FOXP2: variants seen among roughly 807,000 people sequenced by gnomAD.
FOXP2 encodes forkhead box P2.
A neutral mutation model predicts 115.8 loss-of-function variants in FOXP2; 12 were observed. The observed-to-expected ratio is 0.10, with a 90% CI of 0.07 to 0.17. The LOEUF is 0.17. Among genes scored for constraint, FOXP2 ranks in the 10% least tolerant of loss-of-function variants. The probability of loss-of-function intolerance (pLI) is 1.00; values close to 1 mark genes in which losing one functional copy is unlikely to be tolerated. For missense variants in FOXP2, 629 were observed against 843.5 expected, an observed-to-expected ratio of 0.75 and a Z score of 3.15; for synonymous variants, 328 against 297.7, an observed-to-expected ratio of 1.10 and a Z score of -1.05.
intron 2 of FOXP2, among the ~76,000 whole-genome samples, chr7:114,485,806 G>T (rs946526172): frequency 5.9e-5 from 9 of 152,132 alleles, no homozygotes; most frequent in Non-Finnish European, 2.9e-5. Context: ...AATGAACTAT[G>T]AAGATGGAAA....
At chr7:114,212,717 CA>C (rs2129162080) in intron 1 of FOXP2, among the ~76,000 whole-genome samples, 1 of 152,224 alleles carries the variant, frequency 6.6e-6, no homozygotes, top group South Asian at 2.1e-4. Flanking sequence ...ATACATAAAA[CA>C]CAAGATGGCA....
intron 2 of FOXP2, among the ~76,000 whole-genome samples, chr7:114,344,511 G>A (rs77827060): frequency 2.6e-5 from 4 of 151,692 alleles, no homozygotes; most frequent in South Asian, 2.1e-4. Context: ...GGACTATTTC[G>A]GTTAATCAGT....
At chr7:114,092,535 A>C (rs191582265) in intron 1 of FOXP2, among the ~76,000 whole-genome samples, 1 of 152,232 alleles carries the variant, frequency 6.6e-6, no homozygotes, top group Admixed American at 6.5e-5. Context: ...TTAAAAAAAA[A>C]AACTTTCTTA....
chr7:114,516,123 C>A (rs1798330847), intron 2 of FOXP2, among the ~76,000 whole-genome samples: 1 of 152,242 alleles, frequency 6.6e-6, no homozygotes, highest in Non-Finnish European at 1.5e-5. Flanking sequence ...GCCAAAAGAA[C>A]AAAGCTGAAG....
intron 1 of FOXP2, among the ~76,000 whole-genome samples, chr7:114,146,256 G>A (rs577222919): frequency 1.4e-4 from 21 of 152,312 alleles, no homozygotes; most frequent in East Asian, 1.9e-4. Context: ...GAGCAGTAGC[G>A]TATAAATAAC....
intron 1 of FOXP2, among the ~76,000 whole-genome samples, chr7:114,120,096 A>AGGATGAGATAAGTAGGT (rs1432302850): frequency 6.6e-6 from 1 of 152,196 alleles, no homozygotes; most frequent in Admixed American, 6.6e-5. Flanking sequence ...AGTAATAGAT[A>AGGATGAGATAAGTAGGT]GGATGAGATA....
rs1013005161 is a variant in FOXP2, at chr7:114,210,662, G to A, written c.-102+47574G>A. On this transcript the variant is annotated intron_variant, in intron 1 of 17. Coordinates refer to the FOXP2 transcript ENST00000634411. ...ACCTGTTTAAAGAAGCAGTCTGGCT[G>A]CTTTTTGGTAGAGGAGGTGTGCTGC... Among the ~76,000 whole-genome samples the A allele has an allele frequency of 9.2e-5, 14 of 152,250 alleles. No homozygotes were observed. In the East Asian group the frequency reaches 2.7e-3, roughly 29 times the overall value.
chr7:114,350,861 C>A lies in FOXP2; in HGVS notation c.-11+62752C>A, dbSNP rs377426669. 6.6e-5 allele frequency among the ~76,000 whole-genome samples: 10 copies of A among 152,240 alleles called. No individual in the cohort carries two copies. The East Asian group carries it at 1.4e-3, about 21-fold the overall frequency. On this transcript the variant is annotated intron_variant, in intron 2 of 17. Transcript: ENST00000634411. ...GTTCAAAGACTCCCTCACATCCCTG[C>A]AAATACCAAAATCCAGGGATGCTTA...
intron 2 of FOXP2, among the ~76,000 whole-genome samples, chr7:114,518,634 C>T (rs967817535): frequency 3.3e-5 from 5 of 152,048 alleles, no homozygotes; most frequent in African/African-American, 4.8e-5. Flanking sequence ...TCCTGAGTAG[C>T]TGGGACTACA....
intron 1 of FOXP2, among the ~76,000 whole-genome samples, chr7:114,200,396 A>G (rs1794029369): frequency 6.6e-6 from 1 of 152,218 alleles, no homozygotes; most frequent in African/African-American, 2.4e-5. Flanking sequence ...ACCCTGCATC[A>G]TATTCACTTT....
intron 3 of FOXP2, 43 bp from the exon 4 acceptor site, chr7:114,628,497 G>C: frequency 6.2e-7 from 1 of 1,612,442 alleles, no homozygotes; most frequent in Non-Finnish European, 8.5e-7. Context: ...CAGATATTTG[G>C]TTATGACCAC....
At chr7:114,419,759 C>T (rs1205503727) in intron 1 of FOXP2, 1 of 151,460 alleles carries the variant, frequency 6.6e-6, no homozygotes, top group Non-Finnish European at 1.5e-5. Flanking sequence ...CCAGAAAGGA[C>T]AAAAGCAGTT....
chr7:114,293,353 C>G (rs1037163095), intron 2 of FOXP2, among the ~76,000 whole-genome samples: 25 of 152,066 alleles, frequency 1.6e-4, no homozygotes, highest in African/African-American at 6.0e-4. Context: ...ATGACTTGCT[C>G]TGGGGGAGGC....
At chr7:114,437,643 AT>A (rs1024106068) in intron 2 of FOXP2, among the ~76,000 whole-genome samples, 2 of 152,184 alleles carry the variant, frequency 1.3e-5, no homozygotes, top group African/African-American at 4.8e-5. Flanking sequence ...AATTATTACT[AT>A]TTTTACTAAT....
At chr7:114,204,565 A>G (rs942889384) in intron 1 of FOXP2, among the ~76,000 whole-genome samples, 2 of 152,170 alleles carry the variant, frequency 1.3e-5, no homozygotes, top group African/African-American at 4.8e-5. Context: ...CGTTTTTCAC[A>G]TGCGATGATA....
intron 2 of FOXP2, among the ~76,000 whole-genome samples, chr7:114,344,886 CAAATT>C (rs1791306237): frequency 6.6e-6 from 1 of 151,644 alleles, no homozygotes; most frequent in Non-Finnish European, 1.5e-5. Flanking sequence ...TGGACATACA[CAAATT>C]AAAGCTCACA....
intron 2 of FOXP2, among the ~76,000 whole-genome samples, chr7:114,442,208 G>T (rs574657787): frequency 4.2e-4 from 64 of 152,238 alleles, no homozygotes; most frequent in African/African-American, 1.4e-3. Flanking sequence ...AAAACATTTT[G>T]CTAAGTGAGC....
At chr7:114,095,955 C>T (rs1042649539) in intron 1 of FOXP2, among the ~76,000 whole-genome samples, 2 of 152,132 alleles carry the variant, frequency 1.3e-5, no homozygotes, top group Non-Finnish European at 2.9e-5. Flanking sequence ...TACAGTGCAC[C>T]ACATAAGAAG....
chr7:114,665,405 A>C (rs1364242973), intron 16 of FOXP2: 1 of 151,976 alleles, frequency 6.6e-6, no homozygotes, highest in African/African-American at 2.4e-5. Context: ...TCTTATTTTT[A>C]TATTGTCTTC....
Sources: allele counts gnomAD v4.1 joint callset (sites outside exome capture counted in the v4.1 genomes callset), GRCh38; gene constraint gnomAD v4.1.1; transcripts MANE v1.5; gene names NCBI Gene and HGNC (gene_info 2026-07-23, HGNC 2026-07-21).